The following AP2B1 variants were observed in gnomAD, a reference collection of about 807,000 sequenced individuals.
AP2B1 encodes the protein adaptor related protein complex 2 subunit beta 1, also known as AP-2 complex subunit beta.
In AP2B1, 23 loss-of-function variants were observed where a neutral mutation model predicts 102.0. The observed-to-expected ratio is 0.23, with a 90% CI of 0.16 to 0.32. The LOEUF (loss-of-function observed/expected upper bound fraction) is 0.32. Ranked by LOEUF, AP2B1 falls within the 10% of genes least tolerant of loss-of-function variation. The probability of loss-of-function intolerance (pLI) is 1.00; values close to 1 mark genes in which losing one functional copy is unlikely to be tolerated. For synonymous variants in AP2B1, 381 were observed against 421.2 expected (o/e 0.90, Z 1.17); for missense variants, 541 against 1,157.4 (o/e 0.47, Z 7.73).
chr17:35,637,083 T>G (rs2074628236), intron 10 of AP2B1, among the ~76,000 whole-genome samples: 1 of 152,236 alleles, frequency 6.6e-6, no homozygotes, highest in Non-Finnish European at 1.5e-5. Context: ...CAAAAATACT[T>G]TTTAGATTTG....
At chr17:35,689,164 A>G (rs149574087) in intron 18 of AP2B1, among the ~76,000 whole-genome samples, 1 of 152,164 alleles carries the variant, frequency 6.6e-6, no homozygotes, top group African/African-American at 2.4e-5. Context: ...CTTAATCTGT[A>G]AGTATTTTAG....
intron 18 of AP2B1, among the ~76,000 whole-genome samples, chr17:35,708,562 T>A (rs186551656): frequency 5.6e-4 from 86 of 152,346 alleles, no homozygotes; most frequent in Non-Finnish European, 1.9e-4. Flanking sequence ...TTTTTTGTTC[T>A]TATAGTCATC....
intron 17 of AP2B1, among the ~76,000 whole-genome samples, chr17:35,682,116 A>G (rs946802523): frequency 6.6e-6 from 1 of 152,014 alleles, no homozygotes; most frequent in Non-Finnish European, 1.5e-5. Flanking sequence ...TTAGCATGGC[A>G]TGATGGTGCA....
intron 12 of AP2B1, among the ~76,000 whole-genome samples, chr17:35,649,367 C>T (rs563460954): frequency 4.6e-5 from 7 of 152,068 alleles, no homozygotes; most frequent in South Asian, 2.1e-4. Context: ...CTCCCGGGTT[C>T]GAGTGATTCT....
chr17:35,596,671 C>T (rs548812093), intron 2 of AP2B1, among the ~76,000 whole-genome samples: 5 of 152,206 alleles, frequency 3.3e-5, no homozygotes, highest in African/African-American at 1.2e-4. Context: ...GCCGCCCCGT[C>T]GCCCTCGAGC....
chr17:35,627,702 T>C lies in AP2B1; in HGVS notation c.1131T>C (p.Ile377=), dbSNP rs2074356743. Residue 377 remains isoleucine (I), a synonymous_variant, in exon 9 of 22, where the codon ATT becomes ATC. Coordinates refer to ENST00000610402, the MANE Select transcript of AP2B1 (RefSeq NM_001030006.2). ...VDFVRKAVRA[I]GRCAIKVEQS... Reference sequence around the variant, plus strand: ...TTGTTCGAAAAGCTGTGCGGGCCATTGGACGGTGTGCCATCAAGGTGGAGG... The same window carrying C: ...TTGTTCGAAAAGCTGTGCGGGCCATCGGACGGTGTGCCATCAAGGTGGAGG... 3.1e-6 allele frequency: 5 copies of C among 1,614,036 alleles called. No individual in the cohort carries two copies. The South Asian group carries it at 5.5e-5, about 18-fold the overall frequency.
At chr17:35,593,933 A>G (rs1039052005) in intron 1 of AP2B1, 75 bp from the exon 2 acceptor site, 66 of 691,564 alleles carry the variant, frequency 9.5e-5, no homozygotes, top group Non-Finnish European at 1.4e-4. Context: ...AATTAATTGG[A>G]TGTTCTTAAA....
At chr17:35,608,806 G>T (rs955214084) in intron 5 of AP2B1, among the ~76,000 whole-genome samples, 1 of 152,070 alleles carries the variant, frequency 6.6e-6, no homozygotes, top group African/African-American at 2.4e-5. Context: ...TTCTCTATAG[G>T]GGAATTTCTA....
chr17:35,611,758 TCAC>T (rs2073873024), intron 5 of AP2B1, among the ~76,000 whole-genome samples: 1 of 152,204 alleles, frequency 6.6e-6, no homozygotes, highest in Admixed American at 6.5e-5. Flanking sequence ...TCATTTATCA[TCAC>T]TAGATTCACT....
chr17:35,681,674 A>AT (rs2075825420), intron 17 of AP2B1, among the ~76,000 whole-genome samples: 1 of 152,100 alleles, frequency 6.6e-6, no homozygotes, highest in Non-Finnish European at 1.5e-5. Flanking sequence ...AAGTGCTGGG[A>AT]TTACAGGCGT....
rs1045739490 is a variant in AP2B1 at position 35,679,053 on chromosome 17, G to T, written c.2325-3642G>T. ...TGTCTTTCCACTTTTTTATAATAGG[G>T]CTTTGAACAGTTGCTGTGTTTTTTA... On this transcript the variant is annotated intron_variant, in intron 17 of 21. Transcript: ENST00000610402. 2.6e-5 allele frequency among the ~76,000 whole-genome samples: 4 copies of T among 152,056 alleles called. No homozygotes were observed. In the East Asian group the frequency reaches 5.8e-4, roughly 22 times the overall value.
chr17:35,690,770 A>G (rs2076025239), intron 18 of AP2B1, among the ~76,000 whole-genome samples: 3 of 152,142 alleles, frequency 2.0e-5, no homozygotes, highest in South Asian at 2.1e-4. Context: ...TAGTATCTCT[A>G]TGAATTTATA....
intron 2 of AP2B1, among the ~76,000 whole-genome samples, chr17:35,596,064 A>T (rs1353791631): frequency 6.6e-6 from 1 of 152,182 alleles, no homozygotes; most frequent in Non-Finnish European, 1.5e-5. Context: ...AAAAAAATTG[A>T]TAGATTGTGT....
chr17:35,678,502 A>G (rs2075749339), intron 17 of AP2B1, among the ~76,000 whole-genome samples: 1 of 152,210 alleles, frequency 6.6e-6, no homozygotes. Flanking sequence ...GACGTTAGCC[A>G]TAGGTTTTTC....
At chr17:35,596,824 G>C in intron 2 of AP2B1, 1 of 655,706 alleles carries the variant, frequency 1.5e-6, no homozygotes. Flanking sequence ...GCCAGGCCCC[G>C]CAGGCGCTGC....
At chr17:35,613,172 AAAG>A in intron 5 of AP2B1, among the ~76,000 whole-genome samples, 1 of 151,100 alleles carries the variant, frequency 6.6e-6, no homozygotes, top group Non-Finnish European at 1.5e-5. Context: ...TTAGAAAAGA[AAAG>A]AATGAATGCT....
Position 35,650,566 on chromosome 17 carries a change from A to G in AP2B1, c.1573A>G (p.Ile525Val). The G allele has an allele frequency of 6.2e-7, 1 of 1,614,054 alleles. No individual in the cohort carries two copies. Among genetic ancestry groups the G allele is most frequent in the South Asian group, 1.1e-5 (1 of 91,082 alleles). Residue 525 changes from isoleucine (I) to valine (V), a missense_variant, in exon 13 of 22, where the codon ATT (isoleucine) becomes GTT (valine). Physicochemically the swap from Ile to Val is conservative, Grantham distance 29. Coordinates refer to ENST00000610402, the MANE Select transcript of AP2B1 (RefSeq NM_001030006.2). ...TCCTGACCTTCGAGACCGGGGCTAT[A>G]TTTATTGGCGCCTTCTCTCAACTGA... ...DNPDLRDRGY[I>V]YWRLLSTDPV...
Position 35,620,319 on chromosome 17 carries a change from C to CA in AP2B1, c.526-4067dup, listed in dbSNP as rs879860339. 6.1e-3 allele frequency among the ~76,000 whole-genome samples: 873 copies of CA among 143,606 alleles called. 5 individuals are homozygous for CA. Among genetic ancestry groups the CA allele is most frequent in the African/African-American group, 0.021 (820 of 39,312 alleles). The allele number at this position is 143,606 out of a possible 152,430, so 94.2% of individuals were successfully genotyped here. On this transcript the variant is annotated intron_variant, in intron 5 of 21. Transcript: ENST00000610402. Reference sequence around the variant, plus strand: ...AACATAGTGAGACCCCTGTCTCTACCAAAAAAAAAAATTAGCCAGGCATGG... The same window carrying CA: ...AACATAGTGAGACCCCTGTCTCTACCAAAAAAAAAAAATTAGCCAGGCATGG...
chr17:35,668,668 A>G (rs1334593847), intron 14 of AP2B1, among the ~76,000 whole-genome samples: 1 of 152,206 alleles, frequency 6.6e-6, no homozygotes, highest in Non-Finnish European at 1.5e-5. Context: ...TAAAACACAT[A>G]TCAACCCTGT....
Sources: gnomAD v4.1 joint callset for allele counts (sites outside exome capture counted in the v4.1 genomes callset) on GRCh38, gnomAD v4.1.1 for gene constraint, MANE v1.5 for transcripts, NCBI Gene and HGNC (gene_info 2026-07-23, HGNC 2026-07-21) for gene names.